Variants in PXDN observed in about 807,000 individuals in gnomAD.
The protein encoded by PXDN is peroxidasin homolog.
In PXDN, 77 loss-of-function variants were observed where a neutral mutation model predicts 140.3. That is an observed-to-expected ratio of 0.55 (90% CI 0.46 to 0.66). PXDN has a LOEUF of 0.66. PXDN is among the 30% of genes least tolerant of loss of function. The pLI is 0.00. For missense variants in PXDN, 1,838 were observed against 2,039.5 expected (o/e 0.90, Z 1.90); for synonymous variants, 911 against 857.4 (o/e 1.06, Z -1.09).
chr2:1,673,634 G>A lies in PXDN; in HGVS notation c.1018+9C>T, dbSNP rs182152963. On this transcript the variant is annotated intron_variant, in intron 9 of 22. Coordinates refer to ENST00000252804, the MANE Select transcript of PXDN (RefSeq NM_012293.3). ...GATGGAACCCCGGTGTGAAATGCCC[G>A]CCACATACCTGGAGACCCGAAGTAC... 9.1e-4 allele frequency: 1,454 copies of A among 1,598,472 alleles called. 12 individuals carry two copies. In the African/African-American group the frequency reaches 0.015, roughly 16 times the overall value.
intron 1 of PXDN, among the ~76,000 whole-genome samples, chr2:1,743,914 C>T (rs1190506294): frequency 2.4e-5 from 1 of 41,676 alleles, no homozygotes; most frequent in Non-Finnish European, 4.5e-5. Flanking sequence ...TGAGAGGGGG[C>T]GGCGGGAGGC....
At chr2:1,664,890 G>A (rs532509393) in intron 11 of PXDN, 68 bp downstream of exon 11, 11 of 1,342,782 alleles carry the variant, frequency 8.2e-6, no homozygotes, top group Non-Finnish European at 1.0e-5. Context: ...CCTGGGCACA[G>A]TGGAAATGTG....
chr2:1,683,427 T>G (rs571322637), intron 6 of PXDN, among the ~76,000 whole-genome samples: 2 of 152,168 alleles, frequency 1.3e-5, no homozygotes, highest in Non-Finnish European at 2.9e-5. Context: ...AAAAAAATTT[T>G]TTTAAGTCTT....
chr2:1,734,131 C>T (rs62116423), intron 1 of PXDN, among the ~76,000 whole-genome samples: 98 of 152,022 alleles, frequency 6.4e-4, no homozygotes, highest in Middle Eastern at 3.4e-3. Context: ...AGAAATATAC[C>T]GCTCGGATAT....
intron 7 of PXDN, among the ~76,000 whole-genome samples, chr2:1,678,853 GGCGGCT>G (rs1397215851): frequency 6.6e-6 from 1 of 152,200 alleles, no homozygotes; most frequent in Non-Finnish European, 1.5e-5. Flanking sequence ...AGCGCAGGCA[GGCGGCT>G]GCACAGGGGT....
At chr2:1,694,141 A>G (rs1170498512) in intron 1 of PXDN, among the ~76,000 whole-genome samples, 2 of 152,250 alleles carry the variant, frequency 1.3e-5, no homozygotes, top group Admixed American at 6.5e-5. Context: ...CTCTTTTAAT[A>G]TCGTCCAGTA....
chr2:1,696,403 G>A lies in PXDN; in HGVS notation c.201-3269C>T, dbSNP rs137959936. ...CTACTATGAAGAGGGTAAAACAAACGGTCCCCTTTACTGCAAAGGGGGTTA... is the reference window on the plus strand; with the variant it reads ...CTACTATGAAGAGGGTAAAACAAACAGTCCCCTTTACTGCAAAGGGGGTTA... On this transcript the variant is annotated intron_variant, in intron 1 of 22. Coordinates refer to ENST00000252804, the MANE Select transcript of PXDN (RefSeq NM_012293.3). 2.6e-5 allele frequency among the ~76,000 whole-genome samples: 4 copies of A among 152,134 alleles called. No individual in the cohort carries two copies. In the East Asian group the frequency reaches 7.8e-4, roughly 30 times the overall value.
At chr2:1,634,469 G>C in intron 22 of PXDN, 146 bp from the exon 23 acceptor site, 1 of 1,087,062 alleles carries the variant, frequency 9.2e-7, no homozygotes, top group Non-Finnish European at 1.3e-6. Context: ...TACTTGCCCT[G>C]TGGGCATGGA....
intron 14 of PXDN, among the ~76,000 whole-genome samples, chr2:1,655,422 T>A (rs1009067145): frequency 6.8e-6 from 1 of 147,936 alleles, no homozygotes; most frequent in African/African-American, 2.5e-5. Flanking sequence ...TACACACACA[T>A]CACATTGTAC....
In PXDN at chr2:1,707,817, A is replaced by T. The variant is rs184799231; in HGVS notation, c.201-14683T>A. 3.7e-4 allele frequency among the ~76,000 whole-genome samples: 57 copies of T among 152,356 alleles called. No homozygotes were observed. The East Asian group carries it at 9.3e-3, about 25-fold the overall frequency. ...CTGCAGATATCCTTCCCCTAGCAGC[A>T]TGCCGGTGACTGTCTAAAGGGAAGA... On this transcript the variant is annotated intron_variant, in intron 1 of 22. Coordinates refer to ENST00000252804, the MANE Select transcript of PXDN (RefSeq NM_012293.3).
In PXDN at chr2:1,666,396, G is replaced by C. The variant is rs377274038; in HGVS notation, c.1109C>G (p.Pro370Arg). The C allele has an allele frequency of 6.2e-7, 1 of 1,613,788 alleles. No homozygotes were observed. The highest frequency in any genetic ancestry group is 1.1e-5 in the South Asian group (1 of 91,022). Residue 370 changes from proline (P) to arginine (R), a missense_variant, in exon 10 of 23, where the codon CCG becomes CGG. Physicochemically the swap from Pro to Arg is moderately radical, Grantham distance 103. Transcript: ENST00000252804. ...ACCTCTCGTCCAGGAGATCCGCGGC[G>C]GGGGGTGGCCTGTGGCGCTGCACTC... Reference protein sequence around the residue: ...TLECSATGHPPPRISWTRGDR... With the variant: ...TLECSATGHPRPRISWTRGDR...
intron 22 of PXDN, 30 bp downstream of exon 22, chr2:1,635,378 G>T: frequency 6.5e-7 from 1 of 1,535,968 alleles, no homozygotes; most frequent in South Asian, 1.2e-5. Flanking sequence ...GTATACCTTA[G>T]GACATGAAGA....
chr2:1,709,302 G>C (rs1446511961), intron 1 of PXDN, among the ~76,000 whole-genome samples: 7 of 152,188 alleles, frequency 4.6e-5, no homozygotes, highest in Admixed American at 1.3e-4. Flanking sequence ...AGGAGGCCCG[G>C]GAGTAGCTAT....
At position 1,648,497 on chromosome 2, in the gene PXDN, G is replaced by C; in HGVS notation, c.3283C>G (p.His1095Asp). ...DENFQPIAQDHLPLHKAFFSP... is the reference protein window; with the variant it reads ...DENFQPIAQDDLPLHKAFFSP... The stretch of plus-strand genomic sequence containing the variant: ...AAGAAAGCTTTGTGAAGGGGGAGGT[G>C]ATCTTGTGCAATGGGCTGGAAGTTC... Residue 1095 changes from histidine (H) to aspartate (D), a missense_variant, in exon 17 of 23, where the codon CAC becomes GAC. Transcript: ENST00000252804. This position sits in a 1 kb window ranked among gnomAD's most constrained non-coding sequence, Gnocchi z 8.9. 6.2e-7 allele frequency: 1 copy of C among 1,612,314 alleles called. No individual in the cohort carries two copies. Among genetic ancestry groups the C allele is most frequent in the Non-Finnish European group, 8.5e-7 (1 of 1,179,840 alleles).
intron 10 of PXDN, among the ~76,000 whole-genome samples, chr2:1,665,368 C>T (rs1683411175): frequency 6.6e-6 from 1 of 152,182 alleles, no homozygotes; most frequent in South Asian, 2.1e-4. Context: ...CTCGTGGACA[C>T]CAGGCCGACT....
intron 4 of PXDN, among the ~76,000 whole-genome samples, chr2:1,686,659 T>C (rs1684065200): frequency 6.6e-6 from 1 of 152,178 alleles, no homozygotes; most frequent in Admixed American, 6.5e-5. Flanking sequence ...ACTGTCCTTC[T>C]CTGTAGAGAC....
At chr2:1,640,227 T>A (rs897068255) in intron 19 of PXDN, among the ~76,000 whole-genome samples, 7 of 152,210 alleles carry the variant, frequency 4.6e-5, no homozygotes, top group African/African-American at 1.7e-4. Context: ...GGACACACTA[T>A]CTAACGAAGT....
chr2:1,731,769 T>G (rs1685319385), intron 1 of PXDN, among the ~76,000 whole-genome samples: 1 of 152,138 alleles, frequency 6.6e-6, no homozygotes, highest in African/African-American at 2.4e-5. Context: ...CAAGAACATT[T>G]GCACGGGGTT....
chr2:1,673,489 C>A (rs760829505), intron 9 of PXDN, among the ~76,000 whole-genome samples, 154 bp downstream of exon 9: 1 of 152,286 alleles, frequency 6.6e-6, no homozygotes, highest in African/African-American at 2.4e-5. Flanking sequence ...TACGACCCTG[C>A]GCTTAGAAAG....
Sources: gnomAD v4.1 joint callset for allele counts (sites outside exome capture counted in the v4.1 genomes callset) on GRCh38, gnomAD v4.1.1 for gene constraint, Gnocchi (gnomAD v3.1) non-coding constraint, MANE v1.5 for transcripts, NCBI Gene and HGNC (gene_info 2026-07-23, HGNC 2026-07-21) for gene names.